Variants in TENM2 observed in about 807,000 individuals in gnomAD.
TENM2 encodes teneurin-2.
A neutral mutation model predicts 245.2 loss-of-function variants in TENM2; 52 were observed. The observed-to-expected ratio is 0.21, with a 90% confidence interval of 0.17 to 0.27. TENM2 has a LOEUF of 0.27. TENM2 is among the 10% of genes least tolerant of loss of function. The probability of loss-of-function intolerance (pLI) is 1.00; values close to 1 mark genes in which losing one functional copy is unlikely to be tolerated. For missense variants in TENM2, 3,046 were observed against 3,666.8 expected, an observed-to-expected ratio of 0.83 and a Z score of 4.37; for synonymous variants, 1,363 against 1,438.9, an observed-to-expected ratio of 0.95 and a Z score of 1.19.
chr5:168,230,149 T>C (rs1764715862), intron 25 of TENM2, among the ~76,000 whole-genome samples: 1 of 152,234 alleles, frequency 6.6e-6, no homozygotes, highest in Non-Finnish European at 1.5e-5. Context: ...TATAACTGAA[T>C]TTCTGCCAGG....
chr5:167,471,533 TAAAA>T (rs370570533), intron 2 of TENM2, among the ~76,000 whole-genome samples: 1 of 152,062 alleles, frequency 6.6e-6, no homozygotes, highest in East Asian at 1.9e-4. Context: ...CAATCTTCAA[TAAAA>T]AAAATCAGTT....
chr5:167,943,516 C>G (rs946897557), intron 3 of TENM2, among the ~76,000 whole-genome samples: 1 of 152,022 alleles, frequency 6.6e-6, no homozygotes, highest in Admixed American at 6.6e-5. Context: ...AAAAAATAGC[C>G]TGGTCTTTGA....
At chr5:167,974,054 GA>G (rs1782066140) in intron 4 of TENM2, among the ~76,000 whole-genome samples, 1 of 29,444 alleles carries the variant, frequency 3.4e-5, no homozygotes. Flanking sequence ...AGGAAGGGAG[GA>G]AAGGAGGGAG....
At chr5:167,200,962 C>G in the TENM2 span, among the ~76,000 whole-genome samples, 12 of 152,220 alleles carry the variant, frequency 7.9e-5, no homozygotes, top group African/African-American at 2.9e-4. Context: ...AATCATGAAT[C>G]AAATGAGAAA....
intron 18 of TENM2, among the ~76,000 whole-genome samples, chr5:168,204,152 A>C (rs1471622790): frequency 6.6e-6 from 1 of 152,022 alleles, no homozygotes; most frequent in East Asian, 1.9e-4. Context: ...CTGGGATTAC[A>C]AGCTTCTTTG....
intron 5 of TENM2, among the ~76,000 whole-genome samples, chr5:168,037,054 G>A (rs961514832): frequency 1.3e-5 from 2 of 151,934 alleles, no homozygotes; most frequent in African/African-American, 2.4e-5. Flanking sequence ...TTTTTTTAAC[G>A]TGATGTTTCT....
the TENM2 span, among the ~76,000 whole-genome samples, chr5:167,128,449 A>T: frequency 6.6e-6 from 1 of 152,098 alleles, no homozygotes; most frequent in Non-Finnish European, 1.5e-5. Flanking sequence ...TGGAATGAGG[A>T]CAGGGCTCAG....
chr5:167,120,181 T>C, the TENM2 span, among the ~76,000 whole-genome samples: 13 of 152,284 alleles, frequency 8.5e-5, no homozygotes, highest in Non-Finnish European at 1.5e-4. Flanking sequence ...GTGTAGGTGA[T>C]TCCTTGAAAG....
At chr5:167,515,665 ATATG>A (rs1472344809) in intron 2 of TENM2, among the ~76,000 whole-genome samples, 7 of 93,670 alleles carry the variant, frequency 7.5e-5, no homozygotes, top group Admixed American at 5.9e-4. Context: ...ATATACGTAT[ATATG>A]TGTATATATA....
chr5:167,008,970 G>A, the TENM2 span, among the ~76,000 whole-genome samples: 5 of 152,072 alleles, frequency 3.3e-5, no homozygotes, highest in South Asian at 2.1e-4. Context: ...GCTCCACATC[G>A]AGACATGAGA....
chr5:167,849,780 A>T (rs1010062499), intron 2 of TENM2, among the ~76,000 whole-genome samples: 2 of 152,196 alleles, frequency 1.3e-5, no homozygotes, highest in African/African-American at 4.8e-5. Context: ...TCCATTTATT[A>T]TAAAGAATTT....
intron 1 of TENM2, among the ~76,000 whole-genome samples, chr5:167,289,875 A>G (rs1209573042): frequency 6.6e-6 from 1 of 152,204 alleles, no homozygotes; most frequent in African/African-American, 2.4e-5. Flanking sequence ...TACCTAAATA[A>G]TAATTAAAAG....
chr5:167,217,909 G>A, the TENM2 span, among the ~76,000 whole-genome samples: 1 of 151,426 alleles, frequency 6.6e-6, no homozygotes, highest in Non-Finnish European at 1.5e-5. Context: ...CCCTCCATGT[G>A]ATGCACAATG....
the TENM2 span, among the ~76,000 whole-genome samples, chr5:167,189,408 A>G: frequency 6.6e-6 from 1 of 152,170 alleles, no homozygotes; most frequent in African/African-American, 2.4e-5. Flanking sequence ...ATTTAATGTT[A>G]TAATTTGCAC....
intron 27 of TENM2, among the ~76,000 whole-genome samples, chr5:168,253,177 C>A (rs1013121677): frequency 2.0e-5 from 3 of 151,970 alleles, no homozygotes; most frequent in Admixed American, 1.3e-4. Context: ...CTGTGTTAGC[C>A]AGGATGTTCT....
At chr5:167,907,520 C>A (rs1181757554) in intron 3 of TENM2, among the ~76,000 whole-genome samples, 2 of 82,928 alleles carry the variant, frequency 2.4e-5, no homozygotes, top group East Asian at 3.9e-4. Context: ...TTTAGATCAC[C>A]CTAAATATAT....
At position 167,769,918 on chromosome 5, in the gene TENM2, T is replaced by C. The variant is rs572349862; in HGVS notation, c.503-106068T>C. The stretch of plus-strand genomic sequence containing the variant: ...AACCTGAAGTTTGCTAGTTTTTTTT[T>C]CCCCAGTAAAGACAGAGTTTGTTGT... On this transcript the variant is annotated intron_variant, in intron 2 of 28. Coordinates refer to ENST00000518659, the Ensembl canonical transcript of TENM2. Among the ~76,000 whole-genome samples, 175 of 152,268 alleles carry C rather than the reference T, an allele frequency of 1.1e-3. 4 individuals are homozygous for C. In the South Asian group the frequency reaches 0.035, roughly 31 times the overall value.
chr5:167,556,457 A>G (rs1562051888), intron 2 of TENM2, among the ~76,000 whole-genome samples: 2 of 151,222 alleles, frequency 1.3e-5, no homozygotes, highest in South Asian at 4.2e-4. Flanking sequence ...TCACATCAAA[A>G]TTCAGCGTGT....
chr5:167,981,353 A>G (rs1782820869), intron 4 of TENM2, among the ~76,000 whole-genome samples: 1 of 152,238 alleles, frequency 6.6e-6, no homozygotes, highest in Admixed American at 6.5e-5. Context: ...GACATCTGTA[A>G]CTGATATAGG....
Sources: allele counts gnomAD v4.1 joint callset (sites outside exome capture counted in the v4.1 genomes callset), GRCh38; gene constraint gnomAD v4.1.1; transcripts MANE v1.5; gene names NCBI Gene and HGNC (gene_info 2026-07-23, HGNC 2026-07-21).